The following SPDYA variants were observed in gnomAD, a reference collection of about 807,000 sequenced individuals.
SPDYA encodes speedy/RINGO cell cycle regulator family member A.
Under a neutral mutation model 36.7 loss-of-function variants are expected in SPDYA, and 11 were observed. That is an observed-to-expected ratio of 0.30 (90% CI 0.19 to 0.50). The LOEUF (loss-of-function observed/expected upper bound fraction) is 0.50, where lower values mean the gene tolerates loss of function less well. SPDYA is among the 20% of genes least tolerant of loss of function. SPDYA has a pLI of 0.98. For synonymous variants in SPDYA, 115 were observed against 118.7 expected, an observed-to-expected ratio of 0.97 and a Z score of 0.20; for missense variants, 287 against 370.9, an observed-to-expected ratio of 0.77 and a Z score of 1.86.
rs145106998 is a variant in SPDYA at position 28,844,310 on chromosome 2, G to A, written c.850+3841G>A. ...AAGATATTAGCTGGGCATTGACTGA[G>A]TCCTGTTTTGCCCAGAGAATTAAGG... On this transcript the variant is annotated intron_variant, in intron 7 of 7. Transcript: ENST00000334056. 4.5e-3 allele frequency among the ~76,000 whole-genome samples: 682 copies of A among 152,296 alleles called. 6 individuals are homozygous for A. The highest frequency in any genetic ancestry group is 0.016 in the African/African-American group (646 of 41,568).
intron 3 of SPDYA, among the ~76,000 whole-genome samples, chr2:28,818,440 T>TAA (rs372056967): frequency 6.2e-4 from 68 of 109,982 alleles, no homozygotes; most frequent in African/African-American, 2.0e-3. Context: ...CCTGTCTCTT[T>TAA]AAAAAAAAAA....
chr2:28,825,085 T>C (rs1668284869), intron 5 of SPDYA, among the ~76,000 whole-genome samples: 1 of 152,172 alleles, frequency 6.6e-6, no homozygotes, highest in South Asian at 2.1e-4. Context: ...ATTAAGTACT[T>C]TCTAAGAACA....
intron 7 of SPDYA, among the ~76,000 whole-genome samples, chr2:28,841,554 C>A (rs1355633898): frequency 6.6e-6 from 1 of 152,062 alleles, no homozygotes; most frequent in Non-Finnish European, 1.5e-5. Context: ...CTTTCTAATT[C>A]TATCATGAGA....
rs1219108601 is a variant in SPDYA at position 28,816,137 on chromosome 2, T to C, written c.123T>C (p.Asp41=). ...PITLKRPICK[D]NWQAFEKNTH... ...CTCTGAAGCGTCCTATTTGTAAAGA[T>C]AATTGGCAAGCATTTGAAAAAAATA... is the stretch of plus-strand genomic sequence containing the variant. Residue 41 remains aspartate, a synonymous_variant, in exon 3 of 8, where the codon GAT becomes GAC. Transcript: ENST00000334056. 12 of 1,613,940 alleles carry C rather than the reference T, an allele frequency of 7.4e-6. No homozygotes were observed. The highest frequency in any genetic ancestry group is 1.6e-4 in the Middle Eastern group (1 of 6,082).
chr2:28,840,296 T>C lies in SPDYA; in HGVS notation c.677T>C (p.Val226Ala), dbSNP rs1412863646. Residue 226 changes from valine (V) to alanine (A), a missense_variant, in exon 7 of 8, where the codon GTA becomes GCA. Val to Ala is a moderately conservative substitution (Grantham distance 64). Transcript: ENST00000334056. ...QLPRGPSATPVDCSLCGKKRR... is the reference protein window; with the variant it reads ...QLPRGPSATPADCSLCGKKRR... ...CCCCGGGGACCTAGTGCCACACCAGTAGATTGTTCACTCTGTGGTAAAAAA... is the reference window on the plus strand; with the variant it reads ...CCCCGGGGACCTAGTGCCACACCAGCAGATTGTTCACTCTGTGGTAAAAAA... 8 of 1,613,002 alleles carry C rather than the reference T, an allele frequency of 5.0e-6. No individual in the cohort carries two copies. The East Asian group carries it at 1.3e-4, about 27-fold the overall frequency.
At chr2:28,844,831 G>A (rs1213948510) in intron 7 of SPDYA, among the ~76,000 whole-genome samples, 1 of 152,000 alleles carries the variant, frequency 6.6e-6, no homozygotes, top group Non-Finnish European at 1.5e-5. Flanking sequence ...TACTCGGGAG[G>A]CTGAGACAGG....
chr2:28,846,722 TACACACACACACAC>T (rs58731880), intron 7 of SPDYA, among the ~76,000 whole-genome samples: 199 of 126,550 alleles, frequency 1.6e-3, no homozygotes, highest in African/African-American at 4.1e-3. Flanking sequence ...AGAAGAAAAC[TACACACACACACAC>T]ACACACACAC....
intron 5 of SPDYA, among the ~76,000 whole-genome samples, chr2:28,824,553 CTTTT>C (rs780274293): frequency 1.5e-5 from 2 of 133,298 alleles, no homozygotes; most frequent in African/African-American, 5.4e-5. Flanking sequence ...TTCTTTCTTT[CTTTT>C]TTTTTTTGTG....
chr2:28,816,334 A>T (rs1033583480), intron 3 of SPDYA, 85 bp downstream of exon 3: 3 of 1,008,844 alleles, frequency 3.0e-6, no homozygotes, highest in Non-Finnish European at 4.2e-6. Flanking sequence ...ATTCTGATCA[A>T]AGAGGATATC....
intron 6 of SPDYA, among the ~76,000 whole-genome samples, chr2:28,839,542 C>T (rs1053889137): frequency 1.3e-5 from 2 of 152,172 alleles, no homozygotes; most frequent in African/African-American, 4.8e-5. Flanking sequence ...CTCTCTGTGG[C>T]CCAGGCTGGA....
chr2:28,813,553 ATTT>A (rs780151995), intron 1 of SPDYA, among the ~76,000 whole-genome samples: 1 of 141,628 alleles, frequency 7.1e-6, no homozygotes. Context: ...TTCTATCTAG[ATTT>A]TTTTTTTTTT....
intron 7 of SPDYA, among the ~76,000 whole-genome samples, chr2:28,849,315 G>T (rs1668973166): frequency 6.6e-6 from 1 of 151,254 alleles, no homozygotes; most frequent in Non-Finnish European, 1.5e-5. Context: ...TTTTTAAGAT[G>T]GAGTCTCGCC....
chr2:28,846,176 G>T (rs1041945324), intron 7 of SPDYA, among the ~76,000 whole-genome samples: 1 of 152,076 alleles, frequency 6.6e-6, no homozygotes, highest in Non-Finnish European at 1.5e-5. Flanking sequence ...AGGCTGAAGC[G>T]GGCAGATCAC....
chr2:28,819,986 G>T (rs1668117104), intron 4 of SPDYA, among the ~76,000 whole-genome samples: 1 of 148,906 alleles, frequency 6.7e-6, no homozygotes, highest in Admixed American at 6.7e-5. Context: ...ACTCCAGCCT[G>T]GGTGACAGAG....
At chr2:28,821,626 C>T (rs948418346) in intron 4 of SPDYA, among the ~76,000 whole-genome samples, 2 of 152,196 alleles carry the variant, frequency 1.3e-5, no homozygotes, top group African/African-American at 4.8e-5. Flanking sequence ...CTGGAAGTTA[C>T]TGTGAAAACT....
Position 28,811,562 on chromosome 2 carries a change from C to T in SPDYA, c.-93+615C>T, listed in dbSNP as rs1296970998. On this transcript the variant is annotated intron_variant, in intron 1 of 7. Transcript: ENST00000334056. The surrounding 1 kb of genome is among the most constrained non-coding windows in gnomAD (Gnocchi z 4.2). The stretch of plus-strand genomic sequence containing the variant: ...CCAGTAGGACTGGAGGGCCCCTAGC[C>T]TCAATCTTTTAAAAAGCCTTATGCC... Among the ~76,000 whole-genome samples the T allele has an allele frequency of 6.6e-6, 1 of 152,042 alleles. No homozygotes were observed. Among genetic ancestry groups the T allele is most frequent in the Non-Finnish European group, 1.5e-5 (1 of 68,022 alleles).
intron 7 of SPDYA, among the ~76,000 whole-genome samples, chr2:28,844,074 T>C (rs1195396075): frequency 2.0e-5 from 3 of 152,194 alleles, no homozygotes; most frequent in African/African-American, 7.2e-5. Context: ...CAGAAATAAA[T>C]CCTTCTTTGA....
chr2:28,831,571 A>T (rs2148094320), intron 6 of SPDYA, among the ~76,000 whole-genome samples: 1 of 152,276 alleles, frequency 6.6e-6, no homozygotes, highest in African/African-American at 2.4e-5. Flanking sequence ...CCTTATCACA[A>T]TACTTTGTTT....
intron 1 of SPDYA, among the ~76,000 whole-genome samples, chr2:28,812,726 A>T (rs1339735870): frequency 1.3e-5 from 2 of 151,764 alleles, no homozygotes; most frequent in African/African-American, 4.8e-5. Flanking sequence ...GCGTGGTGGC[A>T]GGCTCCTGTA....
Sources: allele counts gnomAD v4.1 joint callset (sites outside exome capture counted in the v4.1 genomes callset), GRCh38; gene constraint gnomAD v4.1.1; non-coding constraint Gnocchi (gnomAD v3.1); transcripts MANE v1.5; gene names NCBI Gene and HGNC (gene_info 2026-07-23, HGNC 2026-07-21).